Variants in CD200 observed in about 807,000 individuals in gnomAD.
The protein encoded by CD200 is OX-2 membrane glycoprotein.
CD200 carries 15 observed loss-of-function variants against 30.9 expected under a neutral mutation model. The observed-to-expected ratio is 0.49, with a 90% CI of 0.32 to 0.75. The LOEUF is 0.75. CD200 is among the 30% of genes least tolerant of loss of function. The pLI, the probability that CD200 is intolerant of heterozygous loss-of-function variation, is 0.03. For missense variants in CD200, 262 were observed against 324.2 expected, an observed-to-expected ratio of 0.81 and a Z score of 1.47; for synonymous variants, 134 against 126.2, an observed-to-expected ratio of 1.06 and a Z score of -0.41.
chr3:112,333,507 G>A (rs1261540150), intron 1 of CD200: 3 of 985,334 alleles, frequency 3.0e-6, no homozygotes, highest in Non-Finnish European at 3.6e-6. Context: ...GGCTCCGGGG[G>A]CTCTTGATCC....
At chr3:112,338,723 G>T (rs529534935) in intron 1 of CD200, among the ~76,000 whole-genome samples, 1 of 151,982 alleles carries the variant, frequency 6.6e-6, no homozygotes, top group Non-Finnish European at 1.5e-5. Context: ...GGGCAATGAA[G>T]CAGGGATTGC....
chr3:112,338,362 T>A (rs2081165747), intron 1 of CD200, among the ~76,000 whole-genome samples: 1 of 152,234 alleles, frequency 6.6e-6, no homozygotes, highest in East Asian at 1.9e-4. Flanking sequence ...TTTGATGTTA[T>A]TCATAAATTT....
chr3:112,349,767 C>G lies in CD200; in HGVS notation c.750C>G (p.Leu250=), dbSNP rs372847213. Residue 250 remains leucine, a synonymous_variant, in exon 5 of 6, where the codon CTC becomes CTG. Transcript: ENST00000315711. ...GCATTGTTTCCCTGGTAATTCTTCT[C>G]GTCCTAATCTCAATCTTACTGTACT... ...LLSIVSLVIL[L]VLISILLYWK... is the part of the protein sequence containing the mutation. 3 of 1,612,044 alleles carry G rather than the reference C, an allele frequency of 1.9e-6. No homozygotes were observed. Among genetic ancestry groups the G allele is most frequent in the African/African-American group, 2.7e-5 (2 of 74,970 alleles).
At position 112,347,646 on chromosome 3, in the gene CD200, C is replaced by T. The variant is rs2081429683; in HGVS notation, c.510C>T (p.Val170=). 2.5e-6 allele frequency: 4 copies of T among 1,613,968 alleles called. No homozygotes were observed. In the African/African-American group the frequency reaches 4.0e-5, roughly 16 times the overall value. ...CCACTGCCCGCCCAGCCCCCATGGTCTTCTGGAAGGTCCCTCGGTCAGGGA... is the reference window on the plus strand; with the variant it reads ...CCACTGCCCGCCCAGCCCCCATGGTTTTCTGGAAGGTCCCTCGGTCAGGGA... ...CSATARPAPM[V]FWKVPRSGIE... is the part of the protein sequence containing the mutation. The change falls in exon 4 of 6, where the codon GTC becomes GTT. Residue 170 remains valine (V), a synonymous_variant. Transcript: ENST00000315711.
chr3:112,342,312 T>G (rs1045770540), intron 2 of CD200, among the ~76,000 whole-genome samples: 1 of 24,646 alleles, frequency 4.1e-5, no homozygotes, highest in Non-Finnish European at 8.1e-5. Context: ...CTTCCTTTCT[T>G]CTTTCTTTCT....
intron 5 of CD200, among the ~76,000 whole-genome samples, chr3:112,355,526 A>G (rs1261561689): frequency 6.6e-6 from 1 of 152,184 alleles, no homozygotes; most frequent in Admixed American, 6.5e-5. Context: ...GGGAACTGTG[A>G]AAGTTCAAAG....
upstream of CD200, chr3:112,333,007 A>G (rs2081029156): frequency 1.4e-5 from 9 of 653,364 alleles, no homozygotes; most frequent in Non-Finnish European, 2.3e-5. Context: ...GACAAAGCTG[A>G]ATATAAACAT....
chr3:112,341,419 G>T (rs2081236032), intron 2 of CD200, among the ~76,000 whole-genome samples: 1 of 152,090 alleles, frequency 6.6e-6, no homozygotes, highest in South Asian at 2.1e-4. Flanking sequence ...AGTTATATAG[G>T]CTCATATTAT....
Position 112,342,271 on chromosome 3 carries a change from G to GTCCTTCCTTCCTTCCT in CD200, c.94+1310_94+1325dup, listed in dbSNP as rs745418625. The stretch of plus-strand genomic sequence containing the variant: ...AGAATTAAATGTTTCTCTGAGAACT[G>GTCCTTCCTTCCTTCCT]TCCTTCCTTCCTTCCTTCCTTCCTT... On this transcript the variant is annotated intron_variant, in intron 2 of 5. Transcript: ENST00000315711. Among the ~76,000 whole-genome samples the GTCCTTCCTTCCTTCCT allele has an allele frequency of 6.9e-4, 52 of 75,668 alleles. 11 individuals are homozygous for GTCCTTCCTTCCTTCCT. Among genetic ancestry groups the GTCCTTCCTTCCTTCCT allele is most frequent in the African/African-American group, 2.6e-3 (46 of 17,560 alleles). 49.6% of individuals were successfully genotyped at this position (75,668 alleles called of 152,430 possible). A position where few individuals can be genotyped will look rare whatever the true frequency, so the allele number is the denominator to read the frequency against.
intron 5 of CD200, among the ~76,000 whole-genome samples, chr3:112,358,423 A>G (rs925738370): frequency 6.6e-6 from 1 of 152,106 alleles, no homozygotes; most frequent in Non-Finnish European, 1.5e-5. Context: ...ACGTGCGTAT[A>G]CTGAAATGAA....
chr3:112,338,288 TGACTTGAGTGCCTGGGAG>T (rs1311660250), intron 1 of CD200, among the ~76,000 whole-genome samples: 2 of 152,038 alleles, frequency 1.3e-5, no homozygotes, highest in African/African-American at 4.8e-5. Context: ...TCATCCTGGA[TGACTTGAGTGCCTGGGAG>T]ATAAAAGTAC....
chr3:112,357,271 A>AAAAAAAAAG (rs1553720695), intron 5 of CD200, among the ~76,000 whole-genome samples: 14 of 139,720 alleles, frequency 1.0e-4, no homozygotes, highest in Admixed American at 1.5e-4. Flanking sequence ...AAAAAAAAAA[A>AAAAAAAAAG]AAAGAAAGAA....
intron 1 of CD200, among the ~76,000 whole-genome samples, chr3:112,338,345 C>G (rs1299691750): frequency 6.6e-6 from 1 of 152,056 alleles, no homozygotes. Context: ...GGTAAAATGA[C>G]GATTAATTTG....
chr3:112,358,237 A>T (rs2081665831), intron 5 of CD200, among the ~76,000 whole-genome samples: 1 of 152,238 alleles, frequency 6.6e-6, no homozygotes, highest in African/African-American at 2.4e-5. Context: ...GCTAACTCCC[A>T]CACAGTGGTC....
At chr3:112,345,605 G>A (rs2081368332) in intron 3 of CD200, among the ~76,000 whole-genome samples, 1 of 152,152 alleles carries the variant, frequency 6.6e-6, no homozygotes, top group Non-Finnish European at 1.5e-5. Flanking sequence ...TAGCAATCAT[G>A]CGACCCTAGA....
intron 1 of CD200, chr3:112,333,872 A>G: frequency 1.0e-6 from 1 of 985,438 alleles, no homozygotes; most frequent in South Asian, 4.7e-5. Flanking sequence ...AGAGAAACAG[A>G]CATTTTGTTT....
chr3:112,344,513 G>A (rs2081338573), intron 2 of CD200, among the ~76,000 whole-genome samples: 1 of 152,190 alleles, frequency 6.6e-6, no homozygotes, highest in South Asian at 2.1e-4. Flanking sequence ...TTGTGTATGT[G>A]TGTGTGTTTG....
chr3:112,345,549 C>A (rs1428462131), intron 3 of CD200, among the ~76,000 whole-genome samples: 1 of 152,192 alleles, frequency 6.6e-6, no homozygotes, highest in African/African-American at 2.4e-5. Context: ...GTGAGGGCAA[C>A]AAGTTCTCCA....
chr3:112,357,924 A>G (rs79679905), intron 5 of CD200, among the ~76,000 whole-genome samples: 206 of 152,344 alleles, frequency 1.4e-3, no homozygotes, highest in East Asian at 6.7e-3. Context: ...AGTTATGCAT[A>G]CATTTAAGAA....
Sources: gnomAD v4.1 joint callset for allele counts (sites outside exome capture counted in the v4.1 genomes callset) on GRCh38, gnomAD v4.1.1 for gene constraint, MANE v1.5 for transcripts, NCBI Gene and HGNC (gene_info 2026-07-23, HGNC 2026-07-21) for gene names.